TLE6: variants seen among roughly 807,000 people sequenced by gnomAD.
TLE6 encodes the protein TLE family member 6, subcortical maternal complex member, also known as transducin-like enhancer protein 6.
A neutral mutation model predicts 77.1 loss-of-function variants in TLE6; 72 were observed. The observed-to-expected ratio is 0.93, with a 90% CI of 0.77 to 1.14. The LOEUF is 1.14. Ranked by LOEUF, TLE6 falls within the 50% of genes most tolerant of loss-of-function variation. TLE6 has a pLI of 0.00. For missense variants in TLE6, 843 were observed against 747.6 expected (o/e 1.13, Z -1.49); for synonymous variants, 366 against 287.3 (o/e 1.27, Z -2.77).
rs1568218663 is a variant in TLE6, at chr19:2,991,860, C to T, written c.1262C>T (p.Pro421Leu). Residue 421 changes from proline to leucine, a missense_variant, in exon 14 of 17, where the codon CCT becomes CTT. Transcript: ENST00000246112. ...CTGGCCAGGGACCTCAAGGGTTATCCTGATGGAGTCAAGAGTATCGTGGTC... is the reference window on the plus strand; with the variant it reads ...CTGGCCAGGGACCTCAAGGGTTATCTTGATGGAGTCAAGAGTATCGTGGTC... ...QSVVRDLKGY[P>L]DGVKSIVVKG... 1 of 1,613,788 alleles carries T rather than the reference C, an allele frequency of 6.2e-7. No homozygotes were observed. Among genetic ancestry groups the T allele is most frequent in the Non-Finnish European group, 8.5e-7 (1 of 1,179,966 alleles).
intron 5 of TLE6, among the ~76,000 whole-genome samples, chr19:2,983,349 G>A (rs1230867405): frequency 6.6e-6 from 1 of 152,156 alleles, no homozygotes; most frequent in Non-Finnish European, 1.5e-5. Context: ...GGCTGGGCAA[G>A]GCGGGGGATG....
At chr19:2,993,340 G>T in intron 14 of TLE6, 92 bp from the exon 15 acceptor site, 1 of 1,378,328 alleles carries the variant, frequency 7.3e-7, no homozygotes, top group Non-Finnish European at 9.7e-7. Flanking sequence ...TCAGTCACCC[G>T]GCCTCCAGGA....
rs567308351 is a variant in TLE6, at chr19:2,993,645, C to T, written c.1537+63C>T. 1.6e-4 allele frequency: 239 copies of T among 1,505,368 alleles called. 2 individuals carry two copies. The African/African-American group carries it at 3.1e-3, about 19-fold the overall frequency. The allele number at this position is 1,505,368 out of a possible 1,614,324, so 93.3% of individuals were successfully genotyped here. The stretch of plus-strand genomic sequence containing the variant: ...GCCCCCAGCCTCCCACAAGACCCCA[C>T]CTAATGCCAGCTCCCCACCCAACCC... On this transcript the variant is annotated intron_variant, in intron 15 of 16. Transcript: ENST00000246112.
intron 13 of TLE6, among the ~76,000 whole-genome samples, chr19:2,990,640 A>T (rs904727655): frequency 9.3e-5 from 7 of 74,896 alleles, no homozygotes; most frequent in African/African-American, 5.2e-4. Flanking sequence ...TATATAAATA[A>T]ATATATATAT....
intron 2 of TLE6, 78 bp from the exon 3 acceptor site, chr19:2,980,022 C>T (rs998446317): frequency 8.9e-7 from 1 of 1,128,392 alleles, no homozygotes; most frequent in Non-Finnish European, 1.3e-6. Context: ...AATGCCTATG[C>T]CATGTTGAGG....
intron 4 of TLE6, among the ~76,000 whole-genome samples, 184 bp downstream of exon 4, chr19:2,981,767 T>A (rs2088802794): frequency 6.6e-6 from 1 of 152,028 alleles, no homozygotes; most frequent in South Asian, 2.1e-4. Context: ...GGTCAGGAGT[T>A]GGAGACCAGC....
intron 15 of TLE6, 77 bp downstream of exon 15, chr19:2,993,659 C>T: frequency 1.3e-6 from 2 of 1,485,050 alleles, no homozygotes; most frequent in Non-Finnish European, 1.8e-6. Flanking sequence ...ATGCCAGCTC[C>T]CCACCCAACC....
Position 2,991,827 on chromosome 19 carries a change from T to C in TLE6, c.1245-16T>C. On this transcript the variant is annotated splice_polypyrimidine_tract_variant and intron_variant, in intron 13 of 16. Coordinates refer to ENST00000246112, the MANE Select transcript of TLE6 (RefSeq NM_001143986.2). ...GAGTCTTGACCTGATTGCCTCCCGA[T>C]GTCCCTTCTGGCCAGGGACCTCAAG... 6.2e-7 allele frequency: 1 copy of C among 1,612,960 alleles called. No individual in the cohort carries two copies. Among genetic ancestry groups the C allele is most frequent in the Non-Finnish European group, 8.5e-7 (1 of 1,179,228 alleles).
chr19:2,979,404 G>A (rs371180970), intron 2 of TLE6, among the ~76,000 whole-genome samples: 2 of 151,644 alleles, frequency 1.3e-5, no homozygotes, highest in East Asian at 2.0e-4. Flanking sequence ...GCGCCACCAC[G>A]CCCGGCTAAT....
chr19:2,995,134 TGTA>T lies in TLE6; in HGVS notation c.*132_*134del. On this transcript the variant is annotated 3_prime_UTR_variant, in exon 17 of 17. Coordinates refer to ENST00000246112, the MANE Select transcript of TLE6 (RefSeq NM_001143986.2). The stretch of plus-strand genomic sequence containing the variant: ...TGGCATCGCACGATCTAGTCTGTGG[TGTA>T]GACTGGTCGCCATCACGTGTAATAA... 1 of 568,266 alleles carries T rather than the reference TGTA, an allele frequency of 1.8e-6. No individual in the cohort carries two copies. Among genetic ancestry groups the T allele is most frequent in the Non-Finnish European group, 3.1e-6 (1 of 322,166 alleles). The allele number at this position is 568,266 out of a possible 1,614,324, so 35.2% of individuals were successfully genotyped here. A position where few individuals can be genotyped will look rare whatever the true frequency, so the allele number is the denominator to read the frequency against.
In TLE6 at chr19:2,995,058, C is replaced by T; in HGVS notation, c.*54C>T. 3 of 971,166 alleles carry T rather than the reference C, an allele frequency of 3.1e-6. No individual in the cohort carries two copies. The highest frequency in any genetic ancestry group is 4.6e-6 in the Non-Finnish European group (3 of 654,388). The allele number at this position is 971,166 out of a possible 1,614,324, so 60.2% of individuals were successfully genotyped here. On this transcript the variant is annotated 3_prime_UTR_variant, in exon 17 of 17. Coordinates refer to ENST00000246112, the MANE Select transcript of TLE6 (RefSeq NM_001143986.2). Reference sequence around the variant, plus strand: ...GCTCCTCTTTTCATCCCCCCCCTTCCCCCCCCCCAACAAGGGGGACATGGT... The same window carrying T: ...GCTCCTCTTTTCATCCCCCCCCTTCTCCCCCCCCAACAAGGGGGACATGGT...
chr19:2,978,149 C>T, intron 1 of TLE6, 49 bp from the exon 2 acceptor site: 3 of 1,434,218 alleles, frequency 2.1e-6, no homozygotes, highest in Non-Finnish European at 2.9e-6. Flanking sequence ...TTCCCTGGCA[C>T]TGCCTTATTT....
chr19:2,993,587 G>A lies in TLE6; in HGVS notation c.1537+5G>A, dbSNP rs1422031707. The A allele has an allele frequency of 1.3e-6, 2 of 1,546,220 alleles. No individual in the cohort carries two copies. The highest frequency in any genetic ancestry group is 1.8e-6 in the Non-Finnish European group (2 of 1,141,104). The stretch of plus-strand genomic sequence containing the variant: ...GCGTCAAGTTCTCCCCCTTTGGTAA[G>A]CGGCTGGCGGAAGATGAGGGGACTC... On this transcript the variant is annotated splice_donor_5th_base_variant and intron_variant, in intron 15 of 16. Transcript: ENST00000246112.
chr19:2,994,507 G>A (rs1168355213), intron 16 of TLE6, among the ~76,000 whole-genome samples: 1 of 152,210 alleles, frequency 6.6e-6, no homozygotes, highest in Non-Finnish European at 1.5e-5. Flanking sequence ...CTACTTGGGA[G>A]GCTGAGGCAG....
In TLE6 at chr19:2,993,508, G is replaced by C. The variant is rs146055967; in HGVS notation, c.1463G>C (p.Ser488Thr). 8 of 1,596,716 alleles carry C rather than the reference G, an allele frequency of 5.0e-6. No homozygotes were observed. The highest frequency in any genetic ancestry group is 1.3e-5 in the African/African-American group (1 of 74,290). Residue 488 changes from serine (S) to threonine (T), a missense_variant, in exon 15 of 17, where the codon AGC (serine) becomes ACC (threonine). Coordinates refer to ENST00000246112, the MANE Select transcript of TLE6 (RefSeq NM_001143986.2). ...GMANGQQWLQ[S>T]TSGSQRHMVG... The stretch of plus-strand genomic sequence containing the variant: ...GCCAATGGCCAGCAGTGGCTGCAAA[G>C]CACCAGCGGGAGCCAGCGGCACATG...
chr19:2,981,405 C>A, intron 3 of TLE6, 133 bp from the exon 4 acceptor site: 3 of 816,904 alleles, frequency 3.7e-6, no homozygotes, highest in Non-Finnish European at 3.9e-6. Flanking sequence ...CTTGACACTG[C>A]CTTAAATTTG....
chr19:2,990,704 C>T (rs1195314434), intron 13 of TLE6, among the ~76,000 whole-genome samples: 2 of 130,766 alleles, frequency 1.5e-5, no homozygotes, highest in Non-Finnish European at 3.4e-5. Context: ...TAAATATATA[C>T]ATATATAAAA....
At position 2,986,582 on chromosome 19, in the gene TLE6, T is replaced by C. The variant is rs368059485; in HGVS notation, c.223-247T>C. ...TACAAAAATTAGCTGGGTGTGGTGG[T>C]GTGCACCTGTAATCCCAGCTACTCA... On this transcript the variant is annotated intron_variant, in intron 5 of 16. Transcript: ENST00000246112. Among the ~76,000 whole-genome samples, 24 of 151,698 alleles carry C rather than the reference T, an allele frequency of 1.6e-4. No individual in the cohort carries two copies. In the East Asian group the frequency reaches 3.5e-3, roughly 22 times the overall value.
intron 4 of TLE6, among the ~76,000 whole-genome samples, 196 bp from the exon 5 acceptor site, chr19:2,981,952 G>C (rs1452283106): frequency 1.3e-5 from 2 of 152,040 alleles, no homozygotes; most frequent in Non-Finnish European, 2.9e-5. Context: ...CCAGGTAACA[G>C]AGCAAGACTC....
Sources: gnomAD v4.1 joint callset for allele counts (sites outside exome capture counted in the v4.1 genomes callset) on GRCh38, gnomAD v4.1.1 for gene constraint, MANE v1.5 for transcripts, NCBI Gene and HGNC (gene_info 2026-07-23, HGNC 2026-07-21) for gene names.